The following RUNX1T1 variants were observed in gnomAD, a reference collection of about 807,000 sequenced individuals.
RUNX1T1 encodes the protein RUNX1 partner transcriptional co-repressor 1.
In RUNX1T1, 4 loss-of-function variants were observed where a neutral mutation model predicts 62.8. The observed-to-expected ratio is 0.06, with a 90% confidence interval of 0.03 to 0.15. The LOEUF is 0.15. Among genes scored for constraint, RUNX1T1 ranks in the 10% least tolerant of loss-of-function variants. The pLI is 1.00. For synonymous variants in RUNX1T1, 291 were observed against 286.0 expected (o/e 1.02, Z -0.18); for missense variants, 508 against 754.3 (o/e 0.67, Z 3.82).
intron 1 of RUNX1T1, among the ~76,000 whole-genome samples, chr8:92,049,893 A>G (rs1397473343): frequency 6.6e-6 from 1 of 152,156 alleles, no homozygotes. Flanking sequence ...AAAACTAAGA[A>G]ACTCCTTATT....
At chr8:91,958,237 C>T (rs781648882), downstream of RUNX1T1, 1 of 202,978 alleles carries the variant, frequency 4.9e-6, no homozygotes, top group Non-Finnish European at 1.0e-5. Flanking sequence ...TTTCCTAAAG[C>T]ACACAACCAC....
At chr8:91,979,521 T>C (rs1814728872) in intron 8 of RUNX1T1, among the ~76,000 whole-genome samples, 3 of 151,968 alleles carry the variant, frequency 2.0e-5, no homozygotes, top group Admixed American at 1.3e-4. Flanking sequence ...CGTATATATA[T>C]ATGCAACTAC....
At chr8:92,029,886 G>C (rs561926201) in intron 1 of RUNX1T1, among the ~76,000 whole-genome samples, 1 of 152,136 alleles carries the variant, frequency 6.6e-6, no homozygotes, top group South Asian at 2.1e-4. Flanking sequence ...AAACACTATG[G>C]ACAGGTCAGT....
At chr8:91,964,378 A>G (rs1811146608) in intron 10 of RUNX1T1, among the ~76,000 whole-genome samples, 2 of 152,178 alleles carry the variant, frequency 1.3e-5, no homozygotes, top group African/African-American at 4.8e-5. Context: ...AATTCTTCAG[A>G]AAAACTTGCA....
At chr8:92,026,111 T>C (rs1045942417) in intron 1 of RUNX1T1, among the ~76,000 whole-genome samples, 21 of 152,238 alleles carry the variant, frequency 1.4e-4, no homozygotes, top group Non-Finnish European at 8.8e-5. Flanking sequence ...TCTGTTGTTT[T>C]GTCTGTGGAT....
At chr8:91,964,252 G>A (rs1039010649) in intron 10 of RUNX1T1, among the ~76,000 whole-genome samples, 4 of 152,128 alleles carry the variant, frequency 2.6e-5, no homozygotes, top group South Asian at 4.1e-4. Context: ...TCTTTCTGTC[G>A]TACAGGCATA....
rs375449197 is a variant in RUNX1T1 at position 92,095,641 on chromosome 8, GACAGGCAGGAGGGAAGGAGAGAC to G, written c.-86+3916_-86+3938del. On this transcript the variant is annotated intron_variant, in intron 1 of 11. Transcript: ENST00000265814. ...GAGAGAGAGAGAGAAGACAGAAAGG[GACAGGCAGGAGGGAAGGAGAGAC>G]ACAGGCAGGAGGGAAGGAGGGATGG... 8.7e-5 allele frequency: 111 copies of G among 1,273,542 alleles called. 2 individuals are homozygous for G. Among genetic ancestry groups the G allele is most frequent in the East Asian group, 5.7e-4 (21 of 36,766 alleles). The allele number at this position is 1,273,542 out of a possible 1,614,324, so 78.9% of individuals were successfully genotyped here. A position where few individuals can be genotyped will look rare whatever the true frequency, so the allele number is the denominator to read the frequency against.
intron 1 of RUNX1T1, among the ~76,000 whole-genome samples, chr8:92,021,486 C>G (rs775123987): frequency 1.3e-5 from 2 of 151,864 alleles, no homozygotes; most frequent in Admixed American, 6.6e-5. Context: ...CTGCAATGCC[C>G]GAGAATGAAA....
At chr8:91,956,969 A>AT (rs1554586332), downstream of RUNX1T1, 2,051 of 196,838 alleles carry the variant, frequency 0.01, 32 homozygotes, top group African/African-American at 0.049. Flanking sequence ...GCACCTACAC[A>AT]TAAAAAAAAA....
chr8:91,983,071 G>T (rs1025690517), intron 8 of RUNX1T1, among the ~76,000 whole-genome samples: 1 of 151,480 alleles, frequency 6.6e-6, no homozygotes, highest in East Asian at 1.9e-4. Flanking sequence ...GGGATTACAG[G>T]CATGCGCCAC....
intron 1 of RUNX1T1, among the ~76,000 whole-genome samples, chr8:92,094,720 A>G: frequency 6.6e-6 from 1 of 152,186 alleles, no homozygotes. Context: ...ACTCCTGTTA[A>G]ATCAGGGAGG....
intron 1 of RUNX1T1, among the ~76,000 whole-genome samples, chr8:92,045,726 C>T (rs1829274574): frequency 6.6e-6 from 1 of 152,164 alleles, no homozygotes; most frequent in Non-Finnish European, 1.5e-5. Flanking sequence ...TCTATATCCC[C>T]TACTACACTT....
intron 6 of RUNX1T1, among the ~76,000 whole-genome samples, chr8:91,988,797 T>G (rs73698204): frequency 6.6e-6 from 1 of 152,154 alleles, no homozygotes; most frequent in East Asian, 1.9e-4. Context: ...TAAAAAAATA[T>G]TAAGTGCATT....
At chr8:92,011,992 A>G (rs1466897123) in intron 3 of RUNX1T1, among the ~76,000 whole-genome samples, 2 of 152,182 alleles carry the variant, frequency 1.3e-5, no homozygotes, top group African/African-American at 2.4e-5. Flanking sequence ...AGTCCCTTCA[A>G]TAATTCTGAT....
At position 92,076,002 on chromosome 8, in the gene RUNX1T1, A is replaced by T. The variant is rs1268884083; in HGVS notation, c.51T>A (p.Gly17=). 1.6e-5 allele frequency: 25 copies of T among 1,611,016 alleles called. No homozygotes were observed. In the Admixed American group the frequency reaches 4.0e-4, roughly 26 times the overall value. Residue 17 remains glycine, a synonymous_variant, in exon 2 of 12, where the codon GGT becomes GGA. Coordinates refer to the RUNX1T1 transcript ENST00000265814. ...CAAAGTTCCCTTTTTTCCGGCAGTCACCTATTACTAAACTCAGTGCTCTCC... is the reference window on the plus strand; with the variant it reads ...CAAAGTTCCCTTTTTTCCGGCAGTCTCCTATTACTAAACTCAGTGCTCTCC...
intron 5 of RUNX1T1, among the ~76,000 whole-genome samples, chr8:91,993,226 T>C (rs1818029146): frequency 6.6e-6 from 1 of 152,166 alleles, no homozygotes; most frequent in South Asian, 2.1e-4. Context: ...CTGCTAACAC[T>C]AGAGCAATTC....
At chr8:91,970,874 A>G in intron 9 of RUNX1T1, 26 bp from the exon 11 acceptor site, 1 of 1,549,926 alleles carries the variant, frequency 6.5e-7, no homozygotes, top group East Asian at 2.3e-5. Context: ...GCCAAACCAG[A>G]CAAGAAAACA....
At chr8:92,025,216 A>G (rs536956663) in intron 1 of RUNX1T1, among the ~76,000 whole-genome samples, 60 of 152,220 alleles carry the variant, frequency 3.9e-4, no homozygotes, top group African/African-American at 1.4e-3. Flanking sequence ...TTATTTTTCT[A>G]TGTATGCCAA....
intron 6 of RUNX1T1, among the ~76,000 whole-genome samples, chr8:91,987,470 T>C (rs1306268874): frequency 1.3e-5 from 2 of 152,098 alleles, no homozygotes; most frequent in Non-Finnish European, 2.9e-5. Context: ...CTAATACATA[T>C]ACCTCCGTGA....
Sources: allele counts gnomAD v4.1 joint callset (sites outside exome capture counted in the v4.1 genomes callset), GRCh38; gene constraint gnomAD v4.1.1; transcripts MANE v1.5; gene names NCBI Gene and HGNC (gene_info 2026-07-23, HGNC 2026-07-21).